PLCL1: variants seen among roughly 807,000 people sequenced by gnomAD.
PLCL1 encodes the protein phospholipase C like 1 (inactive).
A neutral mutation model predicts 84.4 loss-of-function variants in PLCL1; 41 were observed. The ratio of observed to expected loss-of-function variants is 0.49; its 90% confidence interval spans 0.38 to 0.63. PLCL1 has a LOEUF of 0.63. Among genes scored for constraint, PLCL1 ranks in the 30% least tolerant of loss-of-function variants. The probability of loss-of-function intolerance (pLI) is 0.00; values close to 1 mark genes in which losing one functional copy is unlikely to be tolerated. For missense variants in PLCL1, 1,206 were observed against 1,367.8 expected, an observed-to-expected ratio of 0.88 and a Z score of 1.87; for synonymous variants, 490 against 488.3, an observed-to-expected ratio of 1.00 and a Z score of -0.05.
At chr2:198,136,127 A>G (rs1259589401) in intron 5 of PLCL1, among the ~76,000 whole-genome samples, 1 of 152,066 alleles carries the variant, frequency 6.6e-6, no homozygotes, top group Non-Finnish European at 1.5e-5. Context: ...AAGTTTCAAG[A>G]TGTTTTTGTT....
intron 1 of PLCL1, among the ~76,000 whole-genome samples, chr2:197,985,655 T>C (rs1690204973): frequency 6.6e-6 from 1 of 152,228 alleles, no homozygotes; most frequent in Admixed American, 6.5e-5. Context: ...GCCTTGCTTA[T>C]TCATTTAAGT....
chr2:198,016,810 G>A (rs1329836185), intron 1 of PLCL1, among the ~76,000 whole-genome samples: 1 of 152,204 alleles, frequency 6.6e-6, no homozygotes, highest in Non-Finnish European at 1.5e-5. Context: ...AGAGCATGGT[G>A]AGAGTCTTGA....
At chr2:197,821,156 T>C (rs935167882) in intron 1 of PLCL1, among the ~76,000 whole-genome samples, 8 of 152,164 alleles carry the variant, frequency 5.3e-5, no homozygotes, top group African/African-American at 1.9e-4. Flanking sequence ...CATTCTGTTT[T>C]TCAGTGTTCA....
chr2:198,135,358 G>T (rs768318831), intron 5 of PLCL1, among the ~76,000 whole-genome samples: 12 of 152,190 alleles, frequency 7.9e-5, no homozygotes, highest in Non-Finnish European at 1.5e-4. Context: ...CCTTGCTAAA[G>T]ATTGACATTA....
chr2:198,050,217 G>C (rs1691892736), intron 1 of PLCL1, among the ~76,000 whole-genome samples: 1 of 152,150 alleles, frequency 6.6e-6, no homozygotes, highest in Admixed American at 6.5e-5. Flanking sequence ...GTCTGCCGAG[G>C]CCTGTTTTTT....
intron 1 of PLCL1, among the ~76,000 whole-genome samples, chr2:197,887,840 G>A (rs1253463753): frequency 6.6e-6 from 1 of 152,160 alleles, no homozygotes; most frequent in Non-Finnish European, 1.5e-5. Context: ...GCCTGGCTCA[G>A]TTGCTCATGC....
In PLCL1 at chr2:197,933,240, G is replaced by C. The variant is rs572714092; in HGVS notation, c.240+127901G>C. Among the ~76,000 whole-genome samples the C allele has an allele frequency of 3.4e-5, 5 of 147,568 alleles. No homozygotes were observed. In the South Asian group the frequency reaches 1.1e-3, roughly 32 times the overall value. On this transcript the variant is annotated intron_variant, in intron 1 of 5. Coordinates refer to ENST00000428675, the MANE Select transcript of PLCL1 (RefSeq NM_006226.4). ...TATTCCTGACTCCCATCTGATGTTT[G>C]TGTTGTTTCTTTTTTTTTTCTTTTC...
rs55930007 is a variant in PLCL1 at position 198,147,203 on chromosome 2, AGTGT to A, written c.*269_*272del. 5.5e-4 allele frequency: 104 copies of A among 187,684 alleles called. No homozygotes were observed. Among genetic ancestry groups the A allele is most frequent in the Middle Eastern group, 2.0e-3 (1 of 512 alleles). 11.6% of individuals were successfully genotyped at this position (187,684 alleles called of 1,614,324 possible). A position where few individuals can be genotyped will look rare whatever the true frequency, so the allele number is the denominator to read the frequency against. ...ACCCCTGTGTGGATGCCTGTGGAAG[AGTGT>A]GTGTGTGTGTGTGTGTGTGTGTGTG... On this transcript the variant is annotated 3_prime_UTR_variant, in exon 6 of 6. Coordinates refer to ENST00000428675, the MANE Select transcript of PLCL1 (RefSeq NM_006226.4).
At chr2:197,901,269 A>G (rs1168803650) in intron 1 of PLCL1, among the ~76,000 whole-genome samples, 1 of 152,220 alleles carries the variant, frequency 6.6e-6, no homozygotes, top group African/African-American at 2.4e-5. Flanking sequence ...AAGACATTAT[A>G]AGGCATAGGA....
At chr2:197,934,033 C>T (rs986829068) in intron 1 of PLCL1, among the ~76,000 whole-genome samples, 1 of 152,178 alleles carries the variant, frequency 6.6e-6, no homozygotes, top group African/African-American at 2.4e-5. Flanking sequence ...TTTGGCTCAA[C>T]ACACTTAACT....
At chr2:198,133,335 A>G (rs1694171934) in intron 5 of PLCL1, among the ~76,000 whole-genome samples, 1 of 134,038 alleles carries the variant, frequency 7.5e-6, no homozygotes, top group South Asian at 2.4e-4. Flanking sequence ...ATGAGATCAC[A>G]TGGACACATG....
chr2:197,944,863 T>G (rs1413706610), intron 1 of PLCL1, among the ~76,000 whole-genome samples: 1 of 152,238 alleles, frequency 6.6e-6, no homozygotes, highest in African/African-American at 2.4e-5. Flanking sequence ...ACTTTCATCT[T>G]CAGATGTTAG....
intron 2 of PLCL1, 38 bp from the exon 3 acceptor site, chr2:198,088,820 G>A (rs777887011): frequency 1.6e-6 from 2 of 1,212,210 alleles, no homozygotes; most frequent in South Asian, 2.4e-5. Flanking sequence ...GATGTGTCAG[G>A]TGGTCAGAAG....
chr2:197,964,398 T>C (rs1260264746), intron 1 of PLCL1, among the ~76,000 whole-genome samples: 3 of 152,144 alleles, frequency 2.0e-5, no homozygotes, highest in Non-Finnish European at 4.4e-5. Context: ...ATTTTTCATG[T>C]TGTTCATTGT....
chr2:198,119,475 A>G (rs949886381), intron 5 of PLCL1, among the ~76,000 whole-genome samples: 4 of 151,906 alleles, frequency 2.6e-5, no homozygotes, highest in African/African-American at 7.3e-5. Flanking sequence ...TTTCTTGGAA[A>G]TATCAGGCAG....
At chr2:198,080,247 AT>A in intron 1 of PLCL1, among the ~76,000 whole-genome samples, 1 of 152,302 alleles carries the variant, frequency 6.6e-6, no homozygotes, top group East Asian at 1.9e-4. Context: ...CCATTTAACC[AT>A]TTTTAAGTGT....
At chr2:198,079,238 T>G (rs1692651809) in intron 1 of PLCL1, among the ~76,000 whole-genome samples, 1 of 151,620 alleles carries the variant, frequency 6.6e-6, no homozygotes, top group South Asian at 2.1e-4. Context: ...ATCTGAACTT[T>G]GTTTCCAATT....
intron 1 of PLCL1, among the ~76,000 whole-genome samples, chr2:197,882,080 C>T (rs1330953826): frequency 6.6e-6 from 1 of 152,112 alleles, no homozygotes; most frequent in African/African-American, 2.4e-5. Context: ...TCACCCCCCA[C>T]CCCAAATTAT....
chr2:198,013,985 C>T (rs1690931923), intron 1 of PLCL1, among the ~76,000 whole-genome samples: 1 of 152,002 alleles, frequency 6.6e-6, no homozygotes, highest in African/African-American at 2.4e-5. Flanking sequence ...AGCTTTTGTT[C>T]CTAATTCTTC....
Sources: allele counts gnomAD v4.1 joint callset (sites outside exome capture counted in the v4.1 genomes callset), GRCh38; gene constraint gnomAD v4.1.1; transcripts MANE v1.5; gene names NCBI Gene and HGNC (gene_info 2026-07-23, HGNC 2026-07-21).